INPP5A: variants seen among roughly 807,000 people sequenced by gnomAD.
INPP5A encodes 43 kDa inositol polyphosphate 5-phophatase.
Under a neutral mutation model 65.2 loss-of-function variants are expected in INPP5A, and 14 were observed. That is an observed-to-expected ratio of 0.21 (90% CI 0.14 to 0.34). INPP5A has a LOEUF of 0.34. Ranked by LOEUF, INPP5A falls within the 10% of genes least tolerant of loss-of-function variation. INPP5A has a pLI of 1.00. For synonymous variants in INPP5A, 207 were observed against 208.3 expected (o/e 0.99, Z 0.05); for missense variants, 431 against 545.6 (o/e 0.79, Z 2.09).
intron 2 of INPP5A, among the ~76,000 whole-genome samples, chr10:132,622,252 T>C (rs969762942): frequency 3.9e-5 from 6 of 152,262 alleles, no homozygotes; most frequent in African/African-American, 1.4e-4. Flanking sequence ...TTGAGAAATA[T>C]ACCATGTTCA....
At chr10:132,611,853 AG>A in intron 2 of INPP5A, among the ~76,000 whole-genome samples, 1 of 135,448 alleles carries the variant, frequency 7.4e-6, no homozygotes, top group East Asian at 2.5e-4. Flanking sequence ...AGGCCCCGTC[AG>A]AGGAGGGTGT....
At chr10:132,628,463 C>CGGGGGGGGGGGGGGGGGGG (rs55668291) in intron 2 of INPP5A, among the ~76,000 whole-genome samples, 6 of 23,310 alleles carry the variant, frequency 2.6e-4, no homozygotes, top group South Asian at 1.4e-3. Flanking sequence ...GCTCTGGTGG[C>CGGGGGGGGGGGGGGGGGGG]GGGGGGGGGG....
Position 132,547,220 on chromosome 10 carries a change from C to T in INPP5A, c.75+9049C>T, listed in dbSNP as rs2070986687. Among the ~76,000 whole-genome samples, 1 of 152,218 alleles carries T rather than the reference C, an allele frequency of 6.6e-6. No homozygotes were observed. The highest frequency in any genetic ancestry group is 2.4e-5 in the African/African-American group (1 of 41,462). On this transcript the variant is annotated intron_variant, in intron 1 of 15. Transcript: ENST00000368594. The surrounding 1 kb of genome is among the most constrained non-coding windows in gnomAD (Gnocchi z 5.5). The stretch of plus-strand genomic sequence containing the variant: ...TGTCTGTGCCCAGGGAGTAGGAATC[C>T]CACCTTGCATGGTGGCTCAGGGTGG...
At chr10:132,777,905 T>C (rs1847092201) in intron 13 of INPP5A, 123 bp downstream of exon 13, 13 of 1,520,078 alleles carry the variant, frequency 8.6e-6, no homozygotes, top group Non-Finnish European at 1.1e-5. Flanking sequence ...GCTGCCAGGT[T>C]GGGCCCTGAC....
chr10:132,595,998 T>A (rs1013364355), intron 1 of INPP5A, among the ~76,000 whole-genome samples: 1 of 152,226 alleles, frequency 6.6e-6, no homozygotes, highest in African/African-American at 2.4e-5. Context: ...GCATGTGCTT[T>A]CTTTCATATG....
chr10:132,667,396 CCCAGTTT>C (rs2072819706), intron 4 of INPP5A, among the ~76,000 whole-genome samples: 1 of 152,202 alleles, frequency 6.6e-6, no homozygotes, highest in Non-Finnish European at 1.5e-5. Flanking sequence ...AGAGGCTCCT[CCCAGTTT>C]TCATCTATTA....
At chr10:132,766,466 C>G (rs1846846913) in intron 12 of INPP5A, among the ~76,000 whole-genome samples, 2 of 152,016 alleles carry the variant, frequency 1.3e-5, no homozygotes, top group Non-Finnish European at 2.9e-5. Context: ...GTGTGTGTGC[C>G]TGGGTTTGAA....
rs560743769 is a variant in INPP5A at position 132,634,787 on chromosome 10, C to T, written c.118-11081C>T. ...GGTCCAATGAATGTTGCCGCCACTG[C>T]GGCTCACGGTGGCCCTCCCAGGCTC... On this transcript the variant is annotated intron_variant, in intron 2 of 15. Transcript: ENST00000368594. Among the ~76,000 whole-genome samples, 19 of 152,390 alleles carry T rather than the reference C, an allele frequency of 1.2e-4. No homozygotes were observed. The East Asian group carries it at 3.1e-3, about 25-fold the overall frequency.
intron 1 of INPP5A, among the ~76,000 whole-genome samples, chr10:132,581,095 C>T (rs1359453025): frequency 1.3e-5 from 2 of 152,152 alleles, no homozygotes; most frequent in Non-Finnish European, 2.9e-5. Context: ...CTTCGCCTGT[C>T]GGAGGACGCC....
chr10:132,755,107 G>A (rs1489543481), intron 11 of INPP5A, among the ~76,000 whole-genome samples: 1 of 152,036 alleles, frequency 6.6e-6, no homozygotes, highest in African/African-American at 2.4e-5. Context: ...GCAGGCAAGT[G>A]TGTGAGCTGG....
intron 2 of INPP5A, among the ~76,000 whole-genome samples, chr10:132,626,118 C>T (rs1050349667): frequency 6.6e-6 from 1 of 152,226 alleles, no homozygotes; most frequent in African/African-American, 2.4e-5. Flanking sequence ...GTGGCGGCAC[C>T]CGCCTGCTTT....
rs553107003 is a variant in INPP5A at position 132,698,765 on chromosome 10, G to A, written c.474+846G>A. On this transcript the variant is annotated intron_variant, in intron 6 of 15. Transcript: ENST00000368594. This position sits in a 1 kb window ranked among gnomAD's most constrained non-coding sequence, Gnocchi z 5.5. ...GGCTGTGATATAGGAGCTCTCGTCC[G>A]GACTTGTCTGCGCAGGCAGCCCCAA... Among the ~76,000 whole-genome samples, 182 of 152,320 alleles carry A rather than the reference G, an allele frequency of 1.2e-3. No homozygotes were observed. Among genetic ancestry groups the A allele is most frequent in the African/African-American group, 4.2e-3 (174 of 41,572 alleles).
chr10:132,723,327 C>T (rs1590957833), intron 8 of INPP5A, among the ~76,000 whole-genome samples: 1 of 152,196 alleles, frequency 6.6e-6, no homozygotes, highest in South Asian at 2.1e-4. Context: ...CATTTCCTCT[C>T]TCTCCGCACT....
chr10:132,734,526 G>C (rs1302339582), intron 9 of INPP5A, among the ~76,000 whole-genome samples: 1 of 152,230 alleles, frequency 6.6e-6, no homozygotes, highest in Non-Finnish European at 1.5e-5. Context: ...ACACAGGCCT[G>C]TGGATGGCTG....
chr10:132,582,242 A>AT lies in INPP5A; in HGVS notation c.76-25672dup, dbSNP rs201243890. On this transcript the variant is annotated intron_variant, in intron 1 of 15. Coordinates refer to ENST00000368594, the MANE Select transcript of INPP5A (RefSeq NM_005539.5). The stretch of plus-strand genomic sequence containing the variant: ...ATATATCTGTGTTCACTGCCAGGCC[A>AT]TGAAGACCTTCTTCCTTTTTGCCTT... 7.2e-3 allele frequency among the ~76,000 whole-genome samples: 1,092 copies of AT among 152,298 alleles called. 10 individuals are homozygous for AT. Among genetic ancestry groups the AT allele is most frequent in the Middle Eastern group, 0.014 (4 of 294 alleles).
chr10:132,728,690 C>T (rs533352865), intron 9 of INPP5A, among the ~76,000 whole-genome samples: 2 of 152,366 alleles, frequency 1.3e-5, no homozygotes, highest in African/African-American at 4.8e-5. Flanking sequence ...CGATCAATCC[C>T]GGGCGCCCAG....
chr10:132,735,176 A>G (rs1182730664), intron 9 of INPP5A, among the ~76,000 whole-genome samples: 4 of 152,130 alleles, frequency 2.6e-5, no homozygotes, highest in Admixed American at 2.6e-4. Flanking sequence ...GTGTGGAGAT[A>G]CCACATTCAG....
chr10:132,578,465 T>C (rs1477866525), intron 1 of INPP5A, among the ~76,000 whole-genome samples: 1 of 82,974 alleles, frequency 1.2e-5, no homozygotes, highest in African/African-American at 3.8e-5. Flanking sequence ...GACCTTGCAC[T>C]GGAGCAGCTC....
chr10:132,717,432 A>G (rs941570866), intron 8 of INPP5A, among the ~76,000 whole-genome samples: 2 of 151,550 alleles, frequency 1.3e-5, no homozygotes, highest in Non-Finnish European at 2.9e-5. Flanking sequence ...TGGCTGCCCC[A>G]GGCACTTTGG....
Sources: allele counts gnomAD v4.1 joint callset (sites outside exome capture counted in the v4.1 genomes callset), GRCh38; gene constraint gnomAD v4.1.1; non-coding constraint Gnocchi (gnomAD v3.1); transcripts MANE v1.5; gene names NCBI Gene and HGNC (gene_info 2026-07-23, HGNC 2026-07-21).